TUB: variants seen among roughly 807,000 people sequenced by gnomAD.
TUB encodes tubby protein homolog.
In TUB, 33 loss-of-function variants were observed where a neutral mutation model predicts 59.7. The ratio of observed to expected loss-of-function variants is 0.55; its 90% CI spans 0.42 to 0.74. TUB has a LOEUF of 0.74. TUB is among the 30% of genes least tolerant of loss of function. TUB has a pLI of 0.00. For synonymous variants in TUB, 293 were observed against 256.4 expected, an observed-to-expected ratio of 1.14 and a Z score of -1.36; for missense variants, 659 against 672.0, an observed-to-expected ratio of 0.98 and a Z score of 0.21.
chr11:8,033,692 G>A (rs1942607358), upstream of TUB, among the ~76,000 whole-genome samples: 1 of 152,272 alleles, frequency 6.6e-6, no homozygotes. Context: ...AGATGGCAGA[G>A]GTGTTTGGTG....
rs377612581 is a variant in TUB at position 8,097,260 on chromosome 11, A to G, written c.720A>G (p.Pro240=). 7 of 1,614,192 alleles carry G rather than the reference A, an allele frequency of 4.3e-6. No individual in the cohort carries two copies. The highest frequency in any genetic ancestry group is 5.9e-6 in the Non-Finnish European group (7 of 1,180,026). Reference sequence around the variant, plus strand: ...CCTCAGCCCCTAGCCCAACAGCTCCAGAGCAACCAGTGGACGTTGAGGTCC... The same window carrying G: ...CCTCAGCCCCTAGCCCAACAGCTCCGGAGCAACCAGTGGACGTTGAGGTCC... The part of the protein sequence containing the change: ...EAASAPSPTA[P]EQPVDVEVQD... The change falls in exon 7 of 12, where the codon CCA becomes CCG. Residue 240 remains proline, a synonymous_variant. Coordinates refer to ENST00000299506, the MANE Select transcript of TUB (RefSeq NM_177972.3).
chr11:8,041,996 CA>C, intron 2 of TUB, among the ~76,000 whole-genome samples: 1 of 152,300 alleles, frequency 6.6e-6, no homozygotes, highest in East Asian at 1.9e-4. Context: ...GGATATAATT[CA>C]TATACCATAC....
chr11:8,080,767 G>A (rs568810582), upstream of TUB, among the ~76,000 whole-genome samples: 1 of 152,336 alleles, frequency 6.6e-6, no homozygotes, highest in South Asian at 2.1e-4. Flanking sequence ...CCCCAGGCGG[G>A]GGTGTGGGAA....
At chr11:8,022,727 T>C (rs1037086666) in intron 1 of TUB, among the ~76,000 whole-genome samples, 1 of 152,012 alleles carries the variant, frequency 6.6e-6, no homozygotes, top group African/African-American at 2.4e-5. Context: ...CTGTCTCTAC[T>C]AAAAATACAA....
intron 2 of TUB, chr11:8,067,750 C>G (rs1227423102): frequency 6.6e-6 from 1 of 152,424 alleles, no homozygotes; most frequent in Non-Finnish European, 1.5e-5. Context: ...TGCACCCTCC[C>G]CTGAGCCTCT....
intron 2 of TUB, among the ~76,000 whole-genome samples, chr11:8,058,332 C>T (rs1334148614): frequency 6.6e-6 from 1 of 152,068 alleles, no homozygotes; most frequent in Non-Finnish European, 1.5e-5. Context: ...CCTTTCCCTG[C>T]GCTTGTCTGT....
At chr11:8,074,878 C>A (rs1426146240) in intron 2 of TUB, among the ~76,000 whole-genome samples, 1 of 149,968 alleles carries the variant, frequency 6.7e-6, no homozygotes, top group African/African-American at 2.5e-5. Flanking sequence ...TCCCAAGTAG[C>A]TGGGATTACA....
intron 1 of TUB, among the ~76,000 whole-genome samples, chr11:8,019,775 G>T (rs1037869559): frequency 2.0e-5 from 3 of 151,730 alleles, no homozygotes; most frequent in African/African-American, 7.2e-5. Flanking sequence ...TGCGCCCGCC[G>T]GCGTCTGCGC....
intron 1 of TUB, among the ~76,000 whole-genome samples, chr11:8,021,784 C>T (rs1210592081): frequency 1.3e-5 from 2 of 151,120 alleles, no homozygotes; most frequent in African/African-American, 4.9e-5. Context: ...GGCGTGGTGT[C>T]GGGCGCCTGT....
At chr11:8,056,622 G>C (rs918069243) in intron 2 of TUB, among the ~76,000 whole-genome samples, 3 of 152,078 alleles carry the variant, frequency 2.0e-5, no homozygotes, top group Non-Finnish European at 4.4e-5. Context: ...ATGCGCATGG[G>C]AGCCTTTGTG....
At chr11:8,083,435 G>A (rs1431297800) in intron 1 of TUB, among the ~76,000 whole-genome samples, 2 of 152,198 alleles carry the variant, frequency 1.3e-5, no homozygotes, top group African/African-American at 4.8e-5. Flanking sequence ...AGGGGTCTTA[G>A]AGAAAATATG....
chr11:8,054,489 A>G (rs1436106045), intron 2 of TUB, among the ~76,000 whole-genome samples: 1 of 152,004 alleles, frequency 6.6e-6, no homozygotes, highest in Non-Finnish European at 1.5e-5. Context: ...CACAAGTGGG[A>G]GTAGGGAACA....
At chr11:8,053,835 G>T (rs1159519504) in intron 2 of TUB, among the ~76,000 whole-genome samples, 6 of 148,260 alleles carry the variant, frequency 4.0e-5, no homozygotes, top group Non-Finnish European at 9.0e-5. Flanking sequence ...GAAATACTTG[G>T]CCGGGCGCAG....
chr11:8,032,262 C>T (rs1007123907), intron 1 of TUB, among the ~76,000 whole-genome samples: 4 of 152,184 alleles, frequency 2.6e-5, no homozygotes, highest in South Asian at 2.1e-4. Context: ...ACAAGTGCCG[C>T]CCCCACCCCC....
chr11:8,057,326 A>T (rs1943036163), intron 2 of TUB, among the ~76,000 whole-genome samples: 1 of 152,184 alleles, frequency 6.6e-6, no homozygotes, highest in African/African-American at 2.4e-5. Context: ...TCAGCTGCTT[A>T]TTCTCAAGGC....
rs1944398166 is a variant in TUB at position 8,103,631 on chromosome 11, A to G, written c.*2012A>G. On this transcript the variant is annotated 3_prime_UTR_variant, in exon 12 of 12. Transcript: ENST00000299506. ...CATGGTCCAGTTTCTAGAGGGCACT[A>G]GAACTTTGTGCCAGCGCTGGCGAGA... is the stretch of plus-strand genomic sequence containing the variant. 1.3e-5 allele frequency: 2 copies of G among 152,624 alleles called. No homozygotes were observed. Among genetic ancestry groups the G allele is most frequent in the Non-Finnish European group, 2.9e-5 (2 of 68,030 alleles). 9.5% of individuals were successfully genotyped at this position (152,624 alleles called of 1,614,324 possible).
chr11:8,087,305 C>G (rs1312427844), intron 1 of TUB, among the ~76,000 whole-genome samples: 1 of 152,254 alleles, frequency 6.6e-6, no homozygotes, highest in Non-Finnish European at 1.5e-5. Flanking sequence ...TGGAAGTCAT[C>G]TTCTTTGTCT....
At chr11:8,042,399 C>T (rs1034277270) in intron 2 of TUB, among the ~76,000 whole-genome samples, 14 of 152,058 alleles carry the variant, frequency 9.2e-5, no homozygotes, top group Non-Finnish European at 2.1e-4. Context: ...TTGGGTGTTT[C>T]CACATTTTAG....
chr11:8,029,285 T>A (rs1478178922), intron 1 of TUB, among the ~76,000 whole-genome samples: 1 of 152,186 alleles, frequency 6.6e-6, no homozygotes, highest in Non-Finnish European at 1.5e-5. Context: ...AAAGTAGCCT[T>A]TCGTACTAAG....
Sources: gnomAD v4.1 joint callset for allele counts (sites outside exome capture counted in the v4.1 genomes callset) on GRCh38, gnomAD v4.1.1 for gene constraint, MANE v1.5 for transcripts, NCBI Gene and HGNC (gene_info 2026-07-23, HGNC 2026-07-21) for gene names.